PXDNL: variants seen among roughly 807,000 people sequenced by gnomAD.
PXDNL encodes probable oxidoreductase PXDNL.
Under a neutral mutation model 150.8 loss-of-function variants are expected in PXDNL, and 145 were observed. The observed-to-expected ratio is 0.96, with a 90% CI of 0.84 to 1.10. The LOEUF (loss-of-function observed/expected upper bound fraction) is 1.10, where lower values mean the gene tolerates loss of function less well. PXDNL is among the 50% of genes least tolerant of loss of function. The pLI is 0.00. For synonymous variants in PXDNL, 757 were observed against 725.7 expected, an observed-to-expected ratio of 1.04 and a Z score of -0.69; for missense variants, 2,087 against 1,873.9, an observed-to-expected ratio of 1.11 and a Z score of -2.10.
At chr8:51,707,724 C>A (rs903077778) in intron 1 of PXDNL, among the ~76,000 whole-genome samples, 1 of 152,198 alleles carries the variant, frequency 6.6e-6, no homozygotes, top group Non-Finnish European at 1.5e-5. Context: ...TTCTCTGCTT[C>A]TGTGAATTTG....
At chr8:51,694,999 A>C (rs1003082167) in intron 1 of PXDNL, among the ~76,000 whole-genome samples, 12 of 152,336 alleles carry the variant, frequency 7.9e-5, no homozygotes, top group African/African-American at 2.6e-4. Flanking sequence ...GAGTGGGTTC[A>C]GAGCCTCTCT....
chr8:51,417,207 T>G (rs1301674707), intron 14 of PXDNL, among the ~76,000 whole-genome samples: 2 of 152,154 alleles, frequency 1.3e-5, no homozygotes, highest in Non-Finnish European at 2.9e-5. Flanking sequence ...TATGCAAAAT[T>G]TTACAGGAGT....
At chr8:51,325,070 T>C (rs1563357829) in intron 21 of PXDNL, among the ~76,000 whole-genome samples, 1 of 152,122 alleles carries the variant, frequency 6.6e-6, no homozygotes, top group Non-Finnish European at 1.5e-5. Context: ...TTCACCATGT[T>C]GGTCAGACTG....
chr8:51,493,663 G>A (rs1260572616), intron 5 of PXDNL, among the ~76,000 whole-genome samples: 1 of 152,182 alleles, frequency 6.6e-6, no homozygotes, highest in Non-Finnish European at 1.5e-5. Context: ...ATTTGATCAT[G>A]TGGAAGAAAC....
intron 2 of PXDNL, among the ~76,000 whole-genome samples, chr8:51,616,102 G>A (rs1441671968): frequency 6.6e-6 from 1 of 152,236 alleles, no homozygotes; most frequent in Non-Finnish European, 1.5e-5. Flanking sequence ...CCATGCCTGA[G>A]ATGGACTAGC....
chr8:51,635,949 G>A (rs1814595290), intron 2 of PXDNL, among the ~76,000 whole-genome samples: 1 of 152,002 alleles, frequency 6.6e-6, no homozygotes, highest in South Asian at 2.1e-4. Context: ...TGCAAAAATT[G>A]TTCAACAAAA....
rs184691434 is a variant in PXDNL at position 51,684,080 on chromosome 8, T to A, written c.165-29320A>T. ...ATGACACCAATATCTATGCTATGTG[T>A]TCCCACCTAGAGGGCAGTAAATCAA... On this transcript the variant is annotated intron_variant, in intron 1 of 22. Transcript: ENST00000356297. 6.6e-4 allele frequency among the ~76,000 whole-genome samples: 100 copies of A among 152,348 alleles called. 2 individuals carry two copies. Among genetic ancestry groups the A allele is most frequent in the Middle Eastern group, 3.4e-3 (1 of 294 alleles).
chr8:51,426,595 A>G, intron 13 of PXDNL, 51 bp downstream of exon 13: 1 of 1,047,858 alleles, frequency 9.5e-7, no homozygotes, highest in Admixed American at 2.1e-5. Flanking sequence ...CAGTGGGTCG[A>G]TACATCTGTC....
chr8:51,481,508 T>C (rs1489041901), intron 6 of PXDNL, among the ~76,000 whole-genome samples: 1 of 152,198 alleles, frequency 6.6e-6, no homozygotes, highest in African/African-American at 2.4e-5. Context: ...GCAAAAGTCA[T>C]GAGGGACCAA....
intron 5 of PXDNL, among the ~76,000 whole-genome samples, chr8:51,494,510 T>C (rs1810992557): frequency 6.6e-6 from 1 of 152,080 alleles, no homozygotes; most frequent in Admixed American, 6.6e-5. Context: ...TCAAGACCCA[T>C]CAGTGTGCTG....
chr8:51,791,038 T>C (rs1386755397), intron 1 of PXDNL, among the ~76,000 whole-genome samples: 1 of 152,032 alleles, frequency 6.6e-6, no homozygotes, highest in Non-Finnish European at 1.5e-5. Flanking sequence ...TCCTGGTACA[T>C]GGTAAATAAG....
Position 51,408,876 on chromosome 8 carries a change from A to G in PXDNL, c.2748T>C (p.Pro916=). Residue 916 remains proline, a synonymous_variant, in exon 17 of 23, where the codon CCT becomes CCC. Coordinates refer to ENST00000356297, the MANE Select transcript of PXDNL (RefSeq NM_144651.5). Reference sequence around the variant, plus strand: ...GAAAGCCTGTCTTCAGGAGACCCCGAGGCACCGAAGGGTCTCTGAGAGCCT... The same window carrying G: ...GAAAGCCTGTCTTCAGGAGACCCCGGGGCACCGAAGGGTCTCTGAGAGCCT... ...ESQALRDPSV[P]RGLLKTGFPW... The G allele has an allele frequency of 6.3e-7, 1 of 1,596,604 alleles. No homozygotes were observed. The highest frequency in any genetic ancestry group is 8.5e-7 in the Non-Finnish European group (1 of 1,171,606).
At chr8:51,398,653 A>G (rs568263435) in intron 17 of PXDNL, among the ~76,000 whole-genome samples, 1 of 152,232 alleles carries the variant, frequency 6.6e-6, no homozygotes, top group Non-Finnish European at 1.5e-5. Flanking sequence ...CTTAGGCAAC[A>G]TTCCTGGGGT....
chr8:51,696,820 C>CAT (rs1816151112), intron 1 of PXDNL, among the ~76,000 whole-genome samples: 2 of 147,752 alleles, frequency 1.4e-5, no homozygotes, highest in African/African-American at 2.6e-5. Context: ...CACACACACA[C>CAT]ACACACACAC....
chr8:51,551,484 G>C (rs909570135), intron 4 of PXDNL, among the ~76,000 whole-genome samples: 2 of 152,066 alleles, frequency 1.3e-5, no homozygotes, highest in African/African-American at 4.8e-5. Flanking sequence ...CAGGCAAGTA[G>C]AACAATGGAA....
chr8:51,804,481 T>C (rs1489845758), intron 1 of PXDNL, among the ~76,000 whole-genome samples: 1 of 152,158 alleles, frequency 6.6e-6, no homozygotes, highest in Non-Finnish European at 1.5e-5. Flanking sequence ...TTGTTGCCCA[T>C]CTAGTTGACA....
At chr8:51,475,951 G>C (rs1167100453) in intron 6 of PXDNL, among the ~76,000 whole-genome samples, 1 of 152,068 alleles carries the variant, frequency 6.6e-6, no homozygotes, top group African/African-American at 2.4e-5. Context: ...TTTTTAGTTA[G>C]CCAAGCATGG....
At chr8:51,684,157 G>T (rs942088055) in intron 1 of PXDNL, among the ~76,000 whole-genome samples, 1 of 152,122 alleles carries the variant, frequency 6.6e-6, no homozygotes, top group East Asian at 1.9e-4. Context: ...TGCTTATAAA[G>T]TATCTATAAT....
Position 51,608,180 on chromosome 8 carries a change from G to A in PXDNL, c.237-15482C>T, listed in dbSNP as rs566748781. On this transcript the variant is annotated intron_variant, in intron 2 of 22. Transcript: ENST00000356297. Reference sequence around the variant, plus strand: ...CGAGGTGGGCAGATCATGAGGTCAGGAGATCAAGACCATCCTGGCTAACAT... The same window carrying A: ...CGAGGTGGGCAGATCATGAGGTCAGAAGATCAAGACCATCCTGGCTAACAT... 3.7e-4 allele frequency among the ~76,000 whole-genome samples: 55 copies of A among 148,196 alleles called. 2 individuals carry two copies. In the South Asian group the frequency reaches 9.8e-3, roughly 26 times the overall value.
Sources: allele counts gnomAD v4.1 joint callset (sites outside exome capture counted in the v4.1 genomes callset), GRCh38; gene constraint gnomAD v4.1.1; transcripts MANE v1.5; gene names NCBI Gene and HGNC (gene_info 2026-07-23, HGNC 2026-07-21).